HTR1F: variants seen among roughly 807,000 people sequenced by gnomAD.
HTR1F encodes 5-hydroxytryptamine (serotonin) receptor 1F, G protein-coupled.
In HTR1F, 17 loss-of-function variants were observed where a neutral mutation model predicts 24.0. The observed-to-expected ratio is 0.71, with a 90% confidence interval of 0.48 to 1.06. The LOEUF is 1.06. HTR1F is among the 50% of genes least tolerant of loss of function. The pLI, the probability that HTR1F is intolerant of heterozygous loss-of-function variation, is 0.00. For missense variants in HTR1F, 391 were observed against 427.8 expected (o/e 0.91, Z 0.76); for synonymous variants, 186 against 156.8 (o/e 1.19, Z -1.39).
In HTR1F at chr3:87,846,708, T is replaced by C. The variant is rs1704953587; in HGVS notation, c.-43+24584T>C. 2.0e-5 allele frequency among the ~76,000 whole-genome samples: 3 copies of C among 151,982 alleles called. No individual in the cohort carries two copies. In the South Asian group the frequency reaches 6.2e-4, roughly 31 times the overall value. On this transcript the variant is annotated intron_variant, in intron 2 of 2. Coordinates refer to ENST00000319595, the MANE Select transcript of HTR1F (RefSeq NM_001322209.2). ...AAGAGGACACTATTCGGTAATATAA[T>C]AAGTTGCTTCTGTTGAGAATAAAGT...
intron 2 of HTR1F, 91 bp from the exon 3 acceptor site, chr3:87,990,617 C>T (rs530881777): frequency 1.6e-6 from 1 of 640,376 alleles, no homozygotes; most frequent in African/African-American, 1.8e-5. Flanking sequence ...TCTGGGTAAA[C>T]ATAACATACA....
At chr3:87,911,147 CAAA>C (rs1054931443) in intron 2 of HTR1F, among the ~76,000 whole-genome samples, 6 of 151,580 alleles carry the variant, frequency 4.0e-5, no homozygotes, top group Non-Finnish European at 5.9e-5. Context: ...GATCAAGACA[CAAA>C]AAAACACTCG....
intron 2 of HTR1F, among the ~76,000 whole-genome samples, chr3:87,944,315 C>G (rs905869530): frequency 6.6e-6 from 1 of 152,144 alleles, no homozygotes; most frequent in African/African-American, 2.4e-5. Flanking sequence ...TGTAGGTAAC[C>G]TTTTGAGTCA....
At chr3:87,841,380 T>C (rs1033435323) in intron 2 of HTR1F, among the ~76,000 whole-genome samples, 4 of 151,942 alleles carry the variant, frequency 2.6e-5, no homozygotes, top group Non-Finnish European at 4.4e-5. Context: ...ATCAATCCTT[T>C]TAATCAAATC....
intron 2 of HTR1F, among the ~76,000 whole-genome samples, chr3:87,937,240 T>C (rs1384651357): frequency 2.0e-5 from 3 of 152,040 alleles, no homozygotes; most frequent in Non-Finnish European, 4.4e-5. Context: ...ACAAAATACT[T>C]GCAAACTGAA....
chr3:87,893,881 G>T (rs1368921979), intron 2 of HTR1F, among the ~76,000 whole-genome samples: 1 of 152,142 alleles, frequency 6.6e-6, no homozygotes, highest in African/African-American at 2.4e-5. Flanking sequence ...TTGGCCACTT[G>T]TCCATACACA....
chr3:87,972,805 G>A (rs1460523523), intron 2 of HTR1F, among the ~76,000 whole-genome samples: 1 of 152,024 alleles, frequency 6.6e-6, no homozygotes. Flanking sequence ...GCTTAAACCT[G>A]TTTTCTTTCT....
At chr3:87,941,166 T>G (rs1332352705) in intron 2 of HTR1F, among the ~76,000 whole-genome samples, 2 of 152,214 alleles carry the variant, frequency 1.3e-5, no homozygotes, top group African/African-American at 4.8e-5. Flanking sequence ...GAAAGCTGCT[T>G]CTTCTGCTTC....
intron 2 of HTR1F, among the ~76,000 whole-genome samples, chr3:87,840,128 C>G (rs1704769011): frequency 6.6e-6 from 1 of 152,008 alleles, no homozygotes; most frequent in Non-Finnish European, 1.5e-5. Context: ...TGAGTGTATA[C>G]CCAGTAACAG....
In HTR1F at chr3:87,991,773, A is replaced by G. The variant is rs764036964; in HGVS notation, c.1024A>G (p.Ile342Val). Residue 342 changes from isoleucine (I) to valine (V), a missense_variant, in exon 3 of 3, where the codon ATA becomes GTA. Physicochemically the swap from Ile to Val is conservative, Grantham distance 29. Transcript: ENST00000319595. ...ATGGCTTGGGTATCTCAATTCCCTTATAAATCCACTGATTTACACAATCTT... is the reference window on the plus strand; with the variant it reads ...ATGGCTTGGGTATCTCAATTCCCTTGTAAATCCACTGATTTACACAATCTT... ...LAWLGYLNSL[I>V]NPLIYTIFNE... The G allele has an allele frequency of 1.2e-6, 2 of 1,611,500 alleles. No individual in the cohort carries two copies. The highest frequency in any genetic ancestry group is 2.2e-5 in the South Asian group (2 of 90,642).
At chr3:87,897,101 T>C (rs969717824) in intron 2 of HTR1F, among the ~76,000 whole-genome samples, 3 of 151,952 alleles carry the variant, frequency 2.0e-5, no homozygotes, top group African/African-American at 7.2e-5. Flanking sequence ...TTAAAGATAT[T>C]GAGCTCCCGT....
intron 2 of HTR1F, among the ~76,000 whole-genome samples, chr3:87,881,465 G>A (rs181970683): frequency 5.9e-4 from 90 of 152,292 alleles, no homozygotes; most frequent in African/African-American, 2.0e-3. Flanking sequence ...AGCTCAGCAA[G>A]GCCTACTGCC....
At chr3:87,978,620 C>T (rs749026356) in intron 2 of HTR1F, among the ~76,000 whole-genome samples, 14 of 151,832 alleles carry the variant, frequency 9.2e-5, no homozygotes, top group South Asian at 2.1e-4. Flanking sequence ...TTTGTGGAGC[C>T]CTCAGCAGAG....
chr3:87,923,069 G>T (rs1704046047), intron 2 of HTR1F, among the ~76,000 whole-genome samples: 1 of 151,920 alleles, frequency 6.6e-6, no homozygotes, highest in Non-Finnish European at 1.5e-5. Context: ...CAGTCTGTTG[G>T]CTGTAAATCT....
At chr3:87,820,238 A>G (rs2919249) in intron 1 of HTR1F, among the ~76,000 whole-genome samples, 65,051 of 144,560 alleles carry the variant, frequency 0.45, 18,406 homozygotes, top group African/African-American at 0.82. Flanking sequence ...GTGCAGTGGC[A>G]GGATCTCGGC....
At position 87,991,381 on chromosome 3, in the gene HTR1F, T is replaced by C; in HGVS notation, c.632T>C (p.Leu211Ser). 6.2e-7 allele frequency: 1 copy of C among 1,614,000 alleles called. No individual in the cohort carries two copies. ...YYKIYRAAKT[L>S]YHKRQASRIA... ...AAAATATATAGAGCAGCAAAGACAT[T>C]ATACCACAAGAGACAAGCAAGTAGG... Residue 211 changes from leucine (L) to serine (S), a missense_variant, in exon 3 of 3, where the codon TTA (leucine) becomes TCA (serine). Physicochemically the swap from Leu to Ser is moderately radical, Grantham distance 145 (BLOSUM62 -2). Coordinates refer to ENST00000319595, the MANE Select transcript of HTR1F (RefSeq NM_001322209.2).
At chr3:87,964,911 G>A (rs1705132344) in intron 2 of HTR1F, among the ~76,000 whole-genome samples, 1 of 151,902 alleles carries the variant, frequency 6.6e-6, no homozygotes, top group Non-Finnish European at 1.5e-5. Flanking sequence ...TTCCCATGCT[G>A]TTCTCATGAT....
chr3:87,895,184 T>C (rs1273407290), intron 2 of HTR1F, among the ~76,000 whole-genome samples: 3 of 152,168 alleles, frequency 2.0e-5, no homozygotes, highest in Non-Finnish European at 4.4e-5. Flanking sequence ...ATTTCTCTCT[T>C]AATAGCATGA....
chr3:87,928,298 A>G (rs1267847363), intron 2 of HTR1F, among the ~76,000 whole-genome samples: 2 of 152,072 alleles, frequency 1.3e-5, no homozygotes, highest in Non-Finnish European at 2.9e-5. Flanking sequence ...CACCTGCCTT[A>G]GCCTCTCAAA....
Sources: allele counts gnomAD v4.1 joint callset (sites outside exome capture counted in the v4.1 genomes callset), GRCh38; gene constraint gnomAD v4.1.1; transcripts MANE v1.5; gene names NCBI Gene and HGNC (gene_info 2026-07-23, HGNC 2026-07-21).